The following SYNE3 variants were observed in gnomAD, a reference collection of about 807,000 sequenced individuals.
SYNE3 encodes spectrin repeat containing nuclear envelope family member 3, also known as nesprin-3.
A neutral mutation model predicts 111.2 loss-of-function variants in SYNE3; 100 were observed. The ratio of observed to expected loss-of-function variants is 0.90; its 90% CI spans 0.77 to 1.06. The LOEUF (loss-of-function observed/expected upper bound fraction) is 1.06. Among genes scored for constraint, SYNE3 ranks in the 50% least tolerant of loss-of-function variants. The pLI, the probability that SYNE3 is intolerant of heterozygous loss-of-function variation, is 0.00. For synonymous variants in SYNE3, 547 were observed against 533.9 expected, an observed-to-expected ratio of 1.02 and a Z score of -0.34; for missense variants, 1,160 against 1,240.3, an observed-to-expected ratio of 0.94 and a Z score of 0.97.
At position 95,409,599 on chromosome 14, in the gene SYNE3, G is replaced by C. The variant is rs1392293918; in HGVS notation, c.*8227C>G. On this transcript the variant is annotated 3_prime_UTR_variant, in exon 18 of 18. Coordinates refer to ENST00000682763, the MANE Select transcript of SYNE3 (RefSeq NM_152592.6). ...CAGGTGCTGGGAGATGCTGAGTCCTGCTGACTGTGCTTTAAGGCCCTGAAC... is the reference window on the plus strand; with the variant it reads ...CAGGTGCTGGGAGATGCTGAGTCCTCCTGACTGTGCTTTAAGGCCCTGAAC... 2 of 362,076 alleles carry C rather than the reference G, an allele frequency of 5.5e-6. No individual in the cohort carries two copies. Among genetic ancestry groups the C allele is most frequent in the South Asian group, 2.1e-5 (1 of 48,142 alleles). The allele number at this position is 362,076 out of a possible 1,614,324, so 22.4% of individuals were successfully genotyped here. A position where few individuals can be genotyped will look rare whatever the true frequency, so the allele number is the denominator to read the frequency against.
Position 95,408,212 on chromosome 14 carries a change from G to A in SYNE3, c.*9614C>T, listed in dbSNP as rs1458899410. 6.6e-6 allele frequency: 1 copy of A among 151,504 alleles called. No individual in the cohort carries two copies. Among genetic ancestry groups the A allele is most frequent in the Non-Finnish European group, 1.5e-5 (1 of 67,918 alleles). 9.4% of individuals were successfully genotyped at this position (151,504 alleles called of 1,614,324 possible). A position where few individuals can be genotyped will look rare whatever the true frequency, so the allele number is the denominator to read the frequency against. ...AAATGAAACGAAAAAATCCATCTGG[G>A]TGGGGGGCTTTGGAATGAGGGCTCT... On this transcript the variant is annotated 3_prime_UTR_variant, in exon 18 of 18. Transcript: ENST00000682763.
chr14:95,462,008 A>C (rs1887854712), intron 4 of SYNE3, among the ~76,000 whole-genome samples: 1 of 152,128 alleles, frequency 6.6e-6, no homozygotes, highest in African/African-American at 2.4e-5. Flanking sequence ...CTTAGGATTG[A>C]GTGGTTGGAT....
In SYNE3 at chr14:95,444,691, C is replaced by T. The variant is rs1886609618; in HGVS notation, c.1633-63G>A. 4 of 1,488,714 alleles carry T rather than the reference C, an allele frequency of 2.7e-6. No homozygotes were observed. The Admixed American group carries it at 6.8e-5, about 25-fold the overall frequency. 92.2% of individuals were successfully genotyped at this position (1,488,714 alleles called of 1,614,324 possible). ...TCCTCATGAGCACCGTGTTGTGAGA[C>T]CCGACCCGTTCAGCCAGGCTGCTCT... On this transcript the variant is annotated intron_variant, in intron 9 of 17. Coordinates refer to ENST00000682763, the MANE Select transcript of SYNE3 (RefSeq NM_152592.6).
chr14:95,458,193 C>A (rs1274693822), intron 4 of SYNE3, among the ~76,000 whole-genome samples: 1 of 152,202 alleles, frequency 6.6e-6, no homozygotes, highest in Non-Finnish European at 1.5e-5. Flanking sequence ...CCCGTCATGG[C>A]TCCCCACTGG....
At chr14:95,454,052 C>G (rs1454710493) in intron 6 of SYNE3, among the ~76,000 whole-genome samples, 1 of 152,258 alleles carries the variant, frequency 6.6e-6, no homozygotes, top group Non-Finnish European at 1.5e-5. Context: ...AGCTACAAAT[C>G]CACCCTGACT....
rs369046578 is a variant in SYNE3 at position 95,446,005 on chromosome 14, C to A, written c.1536G>T (p.Gln512His). The A allele has an allele frequency of 2.8e-5, 46 of 1,614,060 alleles. No homozygotes were observed. The Middle Eastern group carries it at 2.1e-3, about 75-fold the overall frequency. The stretch of plus-strand genomic sequence containing the variant: ...GCTCCAGGAGTGCCGTGGCTCTCTC[C>A]TGGCCAAAGATGCCAATCAGGAGGT... ...KKDLLIGIFG[Q>H]ERATALLEQV... Residue 512 changes from glutamine (Q) to histidine (H), a missense_variant, in exon 9 of 18, where the codon CAG becomes CAT. By Grantham distance (24) the Gln-to-His change is conservative. Coordinates refer to ENST00000682763, the MANE Select transcript of SYNE3 (RefSeq NM_152592.6).
intron 2 of SYNE3, among the ~76,000 whole-genome samples, chr14:95,473,923 T>C (rs1363788324): frequency 6.7e-6 from 1 of 149,374 alleles, no homozygotes; most frequent in East Asian, 2.0e-4. Flanking sequence ...TTGTGAGGTG[T>C]GACAGTGGCT....
At chr14:95,459,532 C>A (rs1029845700) in intron 4 of SYNE3, among the ~76,000 whole-genome samples, 2 of 152,148 alleles carry the variant, frequency 1.3e-5, no homozygotes, top group Non-Finnish European at 2.9e-5. Flanking sequence ...CAGCTCTTCA[C>A]CATGGAGCCA....
Position 95,457,133 on chromosome 14 carries a change from AC to A in SYNE3, c.789+43del, listed in dbSNP as rs1887499095. 6 of 1,591,258 alleles carry A rather than the reference AC, an allele frequency of 3.8e-6. 1 individual carries two copies. The Admixed American group carries it at 1.1e-4, about 28-fold the overall frequency. ...TATGACATAGAACCCACCCTCTGTG[AC>A]TGTCCCTAGGGTCCCTCTGGTTGAG... On this transcript the variant is annotated intron_variant, in intron 5 of 17. Transcript: ENST00000682763.
intron 1 of SYNE3, among the ~76,000 whole-genome samples, chr14:95,507,296 T>C (rs1890564050): frequency 6.6e-6 from 1 of 152,208 alleles, no homozygotes; most frequent in Admixed American, 6.5e-5. Flanking sequence ...CGTGTCCACC[T>C]CAGCCAATGT....
At chr14:95,456,574 G>C (rs1393225621) in intron 5 of SYNE3, among the ~76,000 whole-genome samples, 1 of 152,170 alleles carries the variant, frequency 6.6e-6, no homozygotes, top group Non-Finnish European at 1.5e-5. Flanking sequence ...AGGGCGAGGA[G>C]TCTCTAGACA....
intron 1 of SYNE3, among the ~76,000 whole-genome samples, chr14:95,477,366 G>A (rs1323768044): frequency 6.6e-6 from 1 of 152,118 alleles, no homozygotes; most frequent in Non-Finnish European, 1.5e-5. Context: ...AAGGCCACTT[G>A]GTTGAGATGG....
chr14:95,452,087 C>G lies in SYNE3; in HGVS notation c.1274+160G>C, dbSNP rs28540662. ...GCAAAACAGTCAAAGGGGACAGTGT[C>G]TGAGCCAAGTGAGAACCTCTAAAAG... On this transcript the variant is annotated intron_variant, in intron 7 of 17. Transcript: ENST00000682763. 5,811 of 875,340 alleles carry G rather than the reference C, an allele frequency of 6.6e-3. 239 individuals carry two copies. The African/African-American group carries it at 0.087, about 13-fold the overall frequency. The allele number at this position is 875,340 out of a possible 1,614,324, so 54.2% of individuals were successfully genotyped here.
rs755486551 is a variant in SYNE3 at position 95,466,004 on chromosome 14, C to G, written c.554G>C (p.Gly185Ala). Residue 185 changes from glycine to alanine, a missense_variant, in exon 4 of 18, where the codon GGG becomes GCG. Coordinates refer to ENST00000682763, the MANE Select transcript of SYNE3 (RefSeq NM_152592.6). The part of the protein sequence containing the change: ...EEAASLFNRI[G>A]DPSVDEDAQK... ...GGCATCTTCGTCCACGCTGGGGTCCCCGATCCTGTTGAACAGGGAGGCTGC... is the reference window on the plus strand; with the variant it reads ...GGCATCTTCGTCCACGCTGGGGTCCGCGATCCTGTTGAACAGGGAGGCTGC... 3.1e-6 allele frequency: 5 copies of G among 1,610,890 alleles called. No homozygotes were observed. The highest frequency in any genetic ancestry group is 2.5e-6 in the Non-Finnish European group (3 of 1,177,334).
At chr14:95,429,771 C>T (rs1250401211) in intron 17 of SYNE3, among the ~76,000 whole-genome samples, 1 of 152,324 alleles carries the variant, frequency 6.6e-6, no homozygotes, top group African/African-American at 2.4e-5. Context: ...AGACAAGATA[C>T]ACCTCAGGGC....
chr14:95,440,203 A>C (rs1235347606), intron 11 of SYNE3, 128 bp from the exon 12 acceptor site: 3 of 1,064,120 alleles, frequency 2.8e-6, no homozygotes, highest in Admixed American at 2.6e-5. Flanking sequence ...AAGTAGCACC[A>C]CAAGAGGCTG....
chr14:95,512,985 C>T (rs185552504), intron 1 of SYNE3, among the ~76,000 whole-genome samples: 1 of 152,246 alleles, frequency 6.6e-6, no homozygotes, highest in East Asian at 1.9e-4. Flanking sequence ...ATCAATTACC[C>T]ACTTCTCCCC....
intron 2 of SYNE3, among the ~76,000 whole-genome samples, chr14:95,469,867 C>T (rs554992800): frequency 6.6e-6 from 1 of 152,126 alleles, no homozygotes. Context: ...TTACTCCATA[C>T]AATAATCGTT....
chr14:95,437,749 TCA>T (rs1331854978), intron 14 of SYNE3: 3 of 152,240 alleles, frequency 2.0e-5, no homozygotes, highest in Non-Finnish European at 4.4e-5. Context: ...TCAACAAAGC[TCA>T]GTTTGTTTAA....
Sources: gnomAD v4.1 joint callset for allele counts (sites outside exome capture counted in the v4.1 genomes callset) on GRCh38, gnomAD v4.1.1 for gene constraint, MANE v1.5 for transcripts, NCBI Gene and HGNC (gene_info 2026-07-23, HGNC 2026-07-21) for gene names.